The following PPP4R2 variants were observed in gnomAD, a reference collection of about 807,000 sequenced individuals.
The protein encoded by PPP4R2 is serine/threonine-protein phosphatase 4 regulatory subunit 2.
Under a neutral mutation model 47.2 loss-of-function variants are expected in PPP4R2, and 13 were observed. The observed-to-expected ratio is 0.28, with a 90% CI of 0.18 to 0.44. The LOEUF is 0.44. Among genes scored for constraint, PPP4R2 ranks in the 20% least tolerant of loss-of-function variants. The pLI, the probability that PPP4R2 is intolerant of heterozygous loss-of-function variation, is 1.00. For synonymous variants in PPP4R2, 151 were observed against 163.3 expected (o/e 0.92, Z 0.57); for missense variants, 421 against 491.2 (o/e 0.86, Z 1.35).
intron 2 of PPP4R2, among the ~76,000 whole-genome samples, chr3:73,005,031 A>G (rs1362190656): frequency 6.7e-6 from 1 of 149,930 alleles, no homozygotes; most frequent in African/African-American, 2.5e-5. Flanking sequence ...GCTGGAGTGC[A>G]GTGGCGCCAT....
chr3:73,000,912 G>A (rs566243492), intron 2 of PPP4R2, among the ~76,000 whole-genome samples: 4 of 152,128 alleles, frequency 2.6e-5, no homozygotes, highest in Non-Finnish European at 4.4e-5. Flanking sequence ...GTATTTGATG[G>A]GTTTGAGTTG....
chr3:73,022,005 T>A (rs1466244909), intron 2 of PPP4R2, among the ~76,000 whole-genome samples: 4 of 151,766 alleles, frequency 2.6e-5, no homozygotes, highest in Admixed American at 2.0e-4. Flanking sequence ...CAAGTGATTC[T>A]CCTGCCTTAG....
At position 73,031,226 on chromosome 3, in the gene PPP4R2, T is replaced by A. The variant is rs549647832; in HGVS notation, c.117-15960T>A. Among the ~76,000 whole-genome samples, 4 of 152,358 alleles carry A rather than the reference T, an allele frequency of 2.6e-5. No individual in the cohort carries two copies. In the South Asian group the frequency reaches 8.3e-4, roughly 32 times the overall value. ...GTGATACACCTCTTCTCTATACTTT[T>A]CTGTTAGTTGACATATTTCATTTAT... On this transcript the variant is annotated intron_variant, in intron 2 of 8. Transcript: ENST00000356692.
chr3:73,059,936 GAAAAA>G (rs11300271), intron 4 of PPP4R2, among the ~76,000 whole-genome samples: 1 of 118,294 alleles, frequency 8.5e-6, no homozygotes. Context: ...CTCTGTCTCA[GAAAAA>G]AAAAAAAAAA....
At chr3:73,021,880 G>GTGTGTGTGTGTA (rs1370167478) in intron 2 of PPP4R2, among the ~76,000 whole-genome samples, 8 of 135,342 alleles carry the variant, frequency 5.9e-5, no homozygotes, top group African/African-American at 2.2e-4. Flanking sequence ...GTGTGTGTGT[G>GTGTGTGTGTGTA]TATATATGCA....
At chr3:72,999,519 A>G (rs566048460) in intron 2 of PPP4R2, among the ~76,000 whole-genome samples, 2 of 152,402 alleles carry the variant, frequency 1.3e-5, no homozygotes, top group African/African-American at 4.8e-5. Flanking sequence ...ACAAGATGAT[A>G]TCAAACTATT....
chr3:73,015,424 G>A (rs1402259389), intron 2 of PPP4R2, among the ~76,000 whole-genome samples: 2 of 150,702 alleles, frequency 1.3e-5, no homozygotes, highest in African/African-American at 4.9e-5. Context: ...TAATCCACCC[G>A]CGTTGGCCTC....
chr3:73,037,196 A>G (rs1392472598), intron 2 of PPP4R2, among the ~76,000 whole-genome samples: 1 of 152,176 alleles, frequency 6.6e-6, no homozygotes, highest in Non-Finnish European at 1.5e-5. Context: ...TTCATAGCAC[A>G]TTGTCCTGTA....
chr3:73,063,636 A>AT lies in PPP4R2; in HGVS notation c.420-35dup, dbSNP rs1553652083. 18 of 1,305,302 alleles carry AT rather than the reference A, an allele frequency of 1.4e-5. No individual in the cohort carries two copies. In the East Asian group the frequency reaches 4.2e-4, roughly 30 times the overall value. The allele number at this position is 1,305,302 out of a possible 1,614,324, so 80.9% of individuals were successfully genotyped here. A position where few individuals can be genotyped will look rare whatever the true frequency, so the allele number is the denominator to read the frequency against. Reference sequence around the variant, plus strand: ...AGAGCCAGACTCCATCTAAAAAAAAATTAAGTCATCCACAAGTGTATTTTC... The same window carrying AT: ...AGAGCCAGACTCCATCTAAAAAAAAATTTAAGTCATCCACAAGTGTATTTTC... On this transcript the variant is annotated intron_variant, in intron 5 of 8. Transcript: ENST00000356692.
chr3:73,053,763 G>A (rs1170506785), intron 3 of PPP4R2, among the ~76,000 whole-genome samples: 3 of 151,886 alleles, frequency 2.0e-5, no homozygotes, highest in African/African-American at 7.3e-5. Context: ...CAAAAAATTA[G>A]CTGGGCGTGG....
At position 73,064,455 on chromosome 3, in the gene PPP4R2, T is replaced by A. The variant is rs893870128; in HGVS notation, c.638+309T>A. On this transcript the variant is annotated intron_variant, in intron 7 of 8. Coordinates refer to ENST00000356692, the MANE Select transcript of PPP4R2 (RefSeq NM_174907.4). ...AATGATCTTTATAAATAAGTTGATT[T>A]TTGTGAGTCGTTTCTCATTGTAGTT... Among the ~76,000 whole-genome samples, 6 of 152,240 alleles carry A rather than the reference T, an allele frequency of 3.9e-5. 1 individual carries two copies. In the East Asian group the frequency reaches 7.7e-4, roughly 20 times the overall value.
chr3:73,061,260 T>C (rs901491823), intron 5 of PPP4R2, 200 bp downstream of exon 5: 22 of 289,500 alleles, frequency 7.6e-5, no homozygotes, highest in Admixed American at 4.1e-4. Context: ...ATTAAAGAGA[T>C]TTGGATTAAA....
intron 2 of PPP4R2, chr3:73,015,033 G>T (rs1183291629): frequency 1.3e-5 from 8 of 602,064 alleles, no homozygotes; most frequent in Non-Finnish European, 2.4e-5. Flanking sequence ...ATATACTCCT[G>T]GCCTGTTTAT....
chr3:73,032,362 C>T (rs1350744865), intron 2 of PPP4R2, among the ~76,000 whole-genome samples: 2 of 151,750 alleles, frequency 1.3e-5, no homozygotes, highest in Admixed American at 6.6e-5. Context: ...GATCTCGGCT[C>T]ATTGCAACCT....
At chr3:73,022,393 A>G (rs1701978419) in intron 2 of PPP4R2, among the ~76,000 whole-genome samples, 1 of 152,202 alleles carries the variant, frequency 6.6e-6, no homozygotes. Flanking sequence ...AGGTCAACAA[A>G]CAATTATTAC....
Position 73,033,917 on chromosome 3 carries a change from A to G in PPP4R2, c.117-13269A>G, listed in dbSNP as rs1326820865. ...GTCTGTACTTTTACTTCTTTTGGGT[A>G]TACACCTAGAAGTAGAATTGCTGGA... On this transcript the variant is annotated intron_variant, in intron 2 of 8. Transcript: ENST00000356692. 3.3e-5 allele frequency among the ~76,000 whole-genome samples: 5 copies of G among 152,186 alleles called. No individual in the cohort carries two copies. In the East Asian group the frequency reaches 7.7e-4, roughly 23 times the overall value.
intron 3 of PPP4R2, among the ~76,000 whole-genome samples, chr3:73,053,647 C>T (rs1702666445): frequency 6.6e-6 from 1 of 152,102 alleles, no homozygotes; most frequent in Non-Finnish European, 1.5e-5. Context: ...TGGTGGCTCA[C>T]ACCTGTAATC....
At chr3:73,015,819 T>C in intron 2 of PPP4R2, 1 of 444,094 alleles carries the variant, frequency 2.3e-6, no homozygotes. Flanking sequence ...TTTGTGTGTT[T>C]AGTAGAGACG....
chr3:73,002,732 C>G (rs1701502389), intron 2 of PPP4R2, among the ~76,000 whole-genome samples: 1 of 148,516 alleles, frequency 6.7e-6, no homozygotes, highest in African/African-American at 2.5e-5. Context: ...ACCTCTGCCT[C>G]CTGGGTTCAA....
Sources: gnomAD v4.1 joint callset for allele counts (sites outside exome capture counted in the v4.1 genomes callset) on GRCh38, gnomAD v4.1.1 for gene constraint, MANE v1.5 for transcripts, NCBI Gene and HGNC (gene_info 2026-07-23, HGNC 2026-07-21) for gene names.